The following PALS2 variants were observed in gnomAD, a reference collection of about 807,000 sequenced individuals.
PALS2 encodes the protein protein associated with LIN7 2, MAGUK p55 family member, also known as protein PALS2.
Under a neutral mutation model 61.6 loss-of-function variants are expected in PALS2, and 27 were observed. That is an observed-to-expected ratio of 0.44 (90% CI 0.32 to 0.60). PALS2 has a LOEUF of 0.60. Among genes scored for constraint, PALS2 ranks in the 20% least tolerant of loss-of-function variants. The pLI, the probability that PALS2 is intolerant of heterozygous loss-of-function variation, is 0.05. For synonymous variants in PALS2, 236 were observed against 218.6 expected, an observed-to-expected ratio of 1.08 and a Z score of -0.70; for missense variants, 554 against 639.4, an observed-to-expected ratio of 0.87 and a Z score of 1.44.
intron 2 of PALS2, among the ~76,000 whole-genome samples, chr7:24,628,597 A>G (rs1309962155): frequency 6.6e-6 from 1 of 152,162 alleles, no homozygotes; most frequent in Non-Finnish European, 1.5e-5. Flanking sequence ...AGAAAACCCC[A>G]TTGTCTCAGC....
At chr7:24,657,347 C>G (rs1244554646) in intron 5 of PALS2, among the ~76,000 whole-genome samples, 1 of 152,102 alleles carries the variant, frequency 6.6e-6, no homozygotes, top group East Asian at 1.9e-4. Context: ...ATGAAAGTTC[C>G]AATTACTCTA....
intron 2 of PALS2, among the ~76,000 whole-genome samples, chr7:24,641,030 A>AG (rs1208184893): frequency 6.7e-6 from 1 of 149,944 alleles, no homozygotes; most frequent in Non-Finnish European, 1.5e-5. Flanking sequence ...AAAAAAAAAA[A>AG]GAATTACTTA....
At chr7:24,617,163 CCTTTGTTGAAGCT>C (rs1179407267) in intron 1 of PALS2, among the ~76,000 whole-genome samples, 2 of 152,052 alleles carry the variant, frequency 1.3e-5, no homozygotes, top group Non-Finnish European at 2.9e-5. Context: ...CTGGTCTAGT[CCTTTGTTGAAGCT>C]CTTCATTGTA....
intron 1 of PALS2, among the ~76,000 whole-genome samples, chr7:24,583,593 A>G (rs2128040363): frequency 6.6e-6 from 1 of 151,206 alleles, no homozygotes; most frequent in South Asian, 2.1e-4. Flanking sequence ...AAATCCTAGG[A>G]GGCATTTTTG....
At chr7:24,682,296 T>G (rs1482276309) in intron 11 of PALS2, among the ~76,000 whole-genome samples, 1 of 152,166 alleles carries the variant, frequency 6.6e-6, no homozygotes, top group African/African-American at 2.4e-5. Context: ...TTCTGGTGGT[T>G]CTTTCTCAGC....
At chr7:24,662,540 G>A (rs1265773907) in intron 5 of PALS2, among the ~76,000 whole-genome samples, 2 of 152,058 alleles carry the variant, frequency 1.3e-5, no homozygotes, top group Non-Finnish European at 2.9e-5. Context: ...AGGCTGAGGT[G>A]GGCAGATGAC....
At position 24,573,749 on chromosome 7, in the gene PALS2, G is replaced by A. The variant is rs1782540634; in HGVS notation, c.-3+156G>A. Among the ~76,000 whole-genome samples the A allele has an allele frequency of 6.9e-6, 1 of 145,892 alleles. No individual in the cohort carries two copies. The highest frequency in any genetic ancestry group is 2.1e-4 in the South Asian group (1 of 4,766). On this transcript the variant is annotated intron_variant, in intron 1 of 11. Transcript: ENST00000222644. This position sits in a 1 kb window ranked among gnomAD's most constrained non-coding sequence, Gnocchi z 5.3. ...GGGCTTCGGCGGGCGCGGGGAAGAG[G>A]GACCGGCAGGCGGCGGCGGCGGCGC... is the stretch of plus-strand genomic sequence containing the variant.
At chr7:24,682,760 CTCT>C (rs756504814) in intron 11 of PALS2, among the ~76,000 whole-genome samples, 1 of 152,172 alleles carries the variant, frequency 6.6e-6, no homozygotes, top group East Asian at 1.9e-4. Context: ...TCCCTTCCCT[CTCT>C]TTTCACATTG....
intron 6 of PALS2, among the ~76,000 whole-genome samples, chr7:24,664,860 A>C (rs889664753): frequency 2.6e-5 from 4 of 151,862 alleles, no homozygotes; most frequent in Non-Finnish European, 5.9e-5. Context: ...TTTCTCTTCT[A>C]ACCTGTCACC....
intron 1 of PALS2, among the ~76,000 whole-genome samples, chr7:24,577,427 G>A (rs141052703): frequency 6.6e-6 from 1 of 151,976 alleles, no homozygotes; most frequent in East Asian, 1.9e-4. Flanking sequence ...GGCAAAATGA[G>A]AATTAAAGAC....
chr7:24,663,740 A>C lies in PALS2; in HGVS notation c.783+19A>C, dbSNP rs370236984. 1 of 1,598,598 alleles carries C rather than the reference A, an allele frequency of 6.3e-7. No homozygotes were observed. The highest frequency in any genetic ancestry group is 8.6e-7 in the Non-Finnish European group (1 of 1,168,026). Reference sequence around the variant, plus strand: ...GTGGCAGGTTAGTATGCTTCTCAGAAGTTCCTCAGCTACTTTTCTAATTTT... The same window carrying C: ...GTGGCAGGTTAGTATGCTTCTCAGACGTTCCTCAGCTACTTTTCTAATTTT... On this transcript the variant is annotated intron_variant, in intron 6 of 11. Coordinates refer to ENST00000222644, the MANE Select transcript of PALS2 (RefSeq NM_001303037.2).
At chr7:24,599,554 G>C (rs1450340796) in intron 1 of PALS2, among the ~76,000 whole-genome samples, 4 of 144,186 alleles carry the variant, frequency 2.8e-5, no homozygotes, top group African/African-American at 1.0e-4. Context: ...ACCCAGGCTG[G>C]AGTGGAGTGG....
At chr7:24,631,074 C>A (rs1269707300) in intron 2 of PALS2, among the ~76,000 whole-genome samples, 1 of 152,154 alleles carries the variant, frequency 6.6e-6, no homozygotes, top group Non-Finnish European at 1.5e-5. Flanking sequence ...ACTACAGCTG[C>A]CATAGATTTC....
chr7:24,688,499 G>A lies in PALS2; in HGVS notation c.*885G>A, dbSNP rs892908331. 2.0e-5 allele frequency: 3 copies of A among 152,034 alleles called. No homozygotes were observed. The highest frequency in any genetic ancestry group is 4.4e-5 in the Non-Finnish European group (3 of 67,996). 9.4% of individuals were successfully genotyped at this position (152,034 alleles called of 1,614,324 possible). A position where few individuals can be genotyped will look rare whatever the true frequency, so the allele number is the denominator to read the frequency against. On this transcript the variant is annotated 3_prime_UTR_variant, in exon 12 of 12. Transcript: ENST00000222644. ...AAGGAACCTACTACTTTAAACAATG[G>A]TTTTATTAGAACATGGTCAGCAAAT... is the stretch of plus-strand genomic sequence containing the variant.
chr7:24,580,584 G>T lies in PALS2; in HGVS notation c.-3+6991G>T, dbSNP rs116780574. ...TTCTTTTCTACTAATGAATATTCAG[G>T]CATGGTTCTCCAAGGAAGCCATCAT... On this transcript the variant is annotated intron_variant, in intron 1 of 11. Coordinates refer to ENST00000222644, the MANE Select transcript of PALS2 (RefSeq NM_001303037.2). Among the ~76,000 whole-genome samples the T allele has an allele frequency of 5.2e-3, 792 of 152,136 alleles. 7 individuals are homozygous for T. Among genetic ancestry groups the T allele is most frequent in the African/African-American group, 0.017 (725 of 41,500 alleles).
At chr7:24,619,711 C>T in intron 1 of PALS2, among the ~76,000 whole-genome samples, 1 of 109,640 alleles carries the variant, frequency 9.1e-6, no homozygotes, top group Non-Finnish European at 1.9e-5. Context: ...GAGCGAGACT[C>T]TGTCTCAAAA....
intron 1 of PALS2, among the ~76,000 whole-genome samples, chr7:24,603,404 T>A (rs1783785958): frequency 6.6e-6 from 1 of 152,210 alleles, no homozygotes; most frequent in African/African-American, 2.4e-5. Context: ...GCTGCTGTGC[T>A]AATTTGACAT....
At chr7:24,639,823 T>C (rs1483694007) in intron 2 of PALS2, among the ~76,000 whole-genome samples, 3 of 143,672 alleles carry the variant, frequency 2.1e-5, no homozygotes, top group African/African-American at 7.8e-5. Flanking sequence ...AATTTTTTTT[T>C]TTTTTTTTTT....
At chr7:24,584,893 G>T (rs896071476) in intron 1 of PALS2, among the ~76,000 whole-genome samples, 7 of 151,880 alleles carry the variant, frequency 4.6e-5, no homozygotes, top group African/African-American at 9.7e-5. Flanking sequence ...CTAGCCAGTG[G>T]TCCCAGCACC....
Sources: gnomAD v4.1 joint callset for allele counts (sites outside exome capture counted in the v4.1 genomes callset) on GRCh38, gnomAD v4.1.1 for gene constraint, Gnocchi (gnomAD v3.1) non-coding constraint, MANE v1.5 for transcripts, NCBI Gene and HGNC (gene_info 2026-07-23, HGNC 2026-07-21) for gene names.